The following GIPC2 variants were observed in gnomAD, a reference collection of about 807,000 sequenced individuals.
GIPC2 encodes PDZ domain-containing protein GIPC2.
In GIPC2, 30 loss-of-function variants were observed where a neutral mutation model predicts 30.6. The observed-to-expected ratio is 0.98, with a 90% CI of 0.73 to 1.33. The LOEUF (loss-of-function observed/expected upper bound fraction) is 1.33. GIPC2 is among the 40% of genes most tolerant of loss of function. GIPC2 has a pLI of 0.00. For synonymous variants in GIPC2, 167 were observed against 150.0 expected (o/e 1.11, Z -0.83); for missense variants, 414 against 390.3 (o/e 1.06, Z -0.51).
chr1:78,132,509 A>G (rs1421118479), intron 5 of GIPC2, among the ~76,000 whole-genome samples: 1 of 152,142 alleles, frequency 6.6e-6, no homozygotes, highest in Non-Finnish European at 1.5e-5. Flanking sequence ...CATTTTTGTG[A>G]CTAGAAACCC....
intron 1 of GIPC2, among the ~76,000 whole-genome samples, chr1:78,047,940 A>G (rs12140633): frequency 0.11 from 16,336 of 152,254 alleles, 1,103 homozygotes; most frequent in Middle Eastern, 0.24. Context: ...GCTTGTTAGC[A>G]TACTTAACTG....
chr1:78,125,244 T>A (rs1662761083), intron 4 of GIPC2, among the ~76,000 whole-genome samples: 1 of 152,226 alleles, frequency 6.6e-6, no homozygotes, highest in South Asian at 2.1e-4. Context: ...CTTGCCATGT[T>A]GCCCAGGCTT....
At chr1:78,091,527 C>T (rs1422825376) in intron 2 of GIPC2, 3 of 742,112 alleles carry the variant, frequency 4.0e-6, no homozygotes, top group Non-Finnish European at 5.0e-6. Flanking sequence ...TCCAAACAGC[C>T]GTCCGAGGAG....
intron 4 of GIPC2, among the ~76,000 whole-genome samples, chr1:78,120,471 C>G (rs1662659540): frequency 6.6e-6 from 1 of 152,158 alleles, no homozygotes; most frequent in African/African-American, 2.4e-5. Flanking sequence ...CAGCAACTCC[C>G]TCCACCCCTC....
chr1:78,045,972 A>C lies in GIPC2; in HGVS notation c.-123A>C, dbSNP rs1297546264. 1.5e-6 allele frequency: 2 copies of C among 1,375,620 alleles called. No homozygotes were observed. The highest frequency in any genetic ancestry group is 3.1e-5 in the African/African-American group (2 of 64,886). The allele number at this position is 1,375,620 out of a possible 1,614,324, so 85.2% of individuals were successfully genotyped here. On this transcript the variant is annotated 5_prime_UTR_variant, in exon 1 of 6. Transcript: ENST00000370759. ...GCCCTGACCCGACGCAGCCAGGCGG[A>C]AGCGCGGCTGCCATTGGAGGCTGCT...
At chr1:78,046,675 T>C (rs1199528364) in intron 1 of GIPC2, among the ~76,000 whole-genome samples, 3 of 151,998 alleles carry the variant, frequency 2.0e-5, no homozygotes, top group African/African-American at 7.2e-5. Flanking sequence ...CTTCCCAGAC[T>C]CGAGATCTGG....
intron 2 of GIPC2, among the ~76,000 whole-genome samples, chr1:78,090,758 C>G (rs1362384399): frequency 6.6e-6 from 1 of 152,014 alleles, no homozygotes; most frequent in East Asian, 1.9e-4. Flanking sequence ...TGTTCATTTG[C>G]CCAAACTAAG....
At chr1:78,086,673 A>T (rs574794230) in intron 2 of GIPC2, among the ~76,000 whole-genome samples, 1 of 152,128 alleles carries the variant, frequency 6.6e-6, no homozygotes, top group African/African-American at 2.4e-5. Flanking sequence ...TTTTACCATT[A>T]TATAATTCCC....
At chr1:78,135,515 A>G (rs1219070072) in intron 5 of GIPC2, 77 bp from the exon 6 acceptor site, 1 of 817,868 alleles carries the variant, frequency 1.2e-6, no homozygotes, top group Non-Finnish European at 1.9e-6. Context: ...TTAGCAAGTA[A>G]TTTTCCTGTT....
chr1:78,137,882 A>G lies in GIPC2; in HGVS notation c.*2139A>G, dbSNP rs531285591. 1 of 152,196 alleles carries G rather than the reference A, an allele frequency of 6.6e-6. No individual in the cohort carries two copies. The highest frequency in any genetic ancestry group is 2.4e-5 in the African/African-American group (1 of 41,446). The allele number at this position is 152,196 out of a possible 1,614,324, so 9.4% of individuals were successfully genotyped here. On this transcript the variant is annotated 3_prime_UTR_variant, in exon 6 of 6. Coordinates refer to ENST00000370759, the MANE Select transcript of GIPC2 (RefSeq NM_017655.6). ...TCTGTTTTTAGTGCAGTCACATAAT[A>G]TATAAGTGTGGGATACCCTTCTGCA...
chr1:78,096,515 T>A (rs114868665), intron 3 of GIPC2, among the ~76,000 whole-genome samples: 2,457 of 151,900 alleles, frequency 0.016, 43 homozygotes, highest in South Asian at 0.078. Flanking sequence ...TCCCATTGTC[T>A]GCATCTAGAT....
At chr1:78,080,113 C>T (rs1392568426) in intron 1 of GIPC2, among the ~76,000 whole-genome samples, 2 of 151,934 alleles carry the variant, frequency 1.3e-5, no homozygotes. Flanking sequence ...CACTATAATG[C>T]AAGATAAATA....
intron 1 of GIPC2, among the ~76,000 whole-genome samples, chr1:78,047,309 A>G (rs985595501): frequency 6.6e-6 from 1 of 152,196 alleles, no homozygotes. Flanking sequence ...TTTGAGGCCT[A>G]CAGCGGCACC....
chr1:78,045,895 G>A (rs1230928387), upstream of GIPC2: 1 of 1,342,434 alleles, frequency 7.4e-7, no homozygotes, highest in Non-Finnish European at 9.5e-7. Flanking sequence ...GATCCATCCC[G>A]GGGGAGGCTG....
intron 1 of GIPC2, among the ~76,000 whole-genome samples, chr1:78,073,602 CAGAG>C (rs1232599290): frequency 6.6e-6 from 1 of 152,004 alleles, no homozygotes; most frequent in Non-Finnish European, 1.5e-5. Context: ...TAATTTGTTC[CAGAG>C]ATCTTTGGAA....
At chr1:78,088,548 G>T (rs539709775) in intron 2 of GIPC2, among the ~76,000 whole-genome samples, 2 of 152,274 alleles carry the variant, frequency 1.3e-5, no homozygotes, top group African/African-American at 4.8e-5. Flanking sequence ...GGAGCTAAAT[G>T]ATGAGAACTT....
rs576650757 is a variant in GIPC2, at chr1:78,091,610, G to A, written c.427-3342G>A. On this transcript the variant is annotated intron_variant, in intron 2 of 5. Transcript: ENST00000370759. ...CGCGATCTTCTTCGGGAATGCGTTC[G>A]TCGTGTCTGCCATCCCCATCTGGTT... The A allele has an allele frequency of 3.3e-4, 255 of 766,356 alleles. 3 individuals carry two copies. Among genetic ancestry groups the A allele is most frequent in the South Asian group, 3.0e-3 (224 of 74,018 alleles). 47.5% of individuals were successfully genotyped at this position (766,356 alleles called of 1,614,324 possible).
At chr1:78,113,213 T>C (rs1557546959) in intron 3 of GIPC2, among the ~76,000 whole-genome samples, 1 of 151,848 alleles carries the variant, frequency 6.6e-6, no homozygotes, top group Non-Finnish European at 1.5e-5. Context: ...TGGGTTCTAT[T>C]TCATTAAAAA....
At chr1:78,066,813 A>G (rs1557530410) in intron 1 of GIPC2, among the ~76,000 whole-genome samples, 1 of 152,234 alleles carries the variant, frequency 6.6e-6, no homozygotes, top group African/African-American at 2.4e-5. Context: ...ATTAGCACTT[A>G]TAAGTGGAAG....
Sources: allele counts gnomAD v4.1 joint callset (sites outside exome capture counted in the v4.1 genomes callset), GRCh38; gene constraint gnomAD v4.1.1; transcripts MANE v1.5; gene names NCBI Gene and HGNC (gene_info 2026-07-23, HGNC 2026-07-21).